Variants in PCDHB12 observed in about 807,000 individuals in gnomAD.
PCDHB12 encodes protocadherin beta 12.
For missense variants in PCDHB12, 1,192 were observed against 998.2 expected (o/e 1.19, Z -2.62); for synonymous variants, 560 against 445.2 (o/e 1.26, Z -3.24).
chr5:141,209,459 C>T lies in PCDHB12; in HGVS notation c.552C>T (p.Val184=). Residue 184 remains valine, a synonymous_variant, in exon 1 of 1, where the codon GTC becomes GTT. Transcript: ENST00000239450. ...CTCATTTCCACGTTAAAATAAGAGTCAATCCAGACAATAGGAAATACCCTG... is the reference window on the plus strand; with the variant it reads ...CTCATTTCCACGTTAAAATAAGAGTTAATCCAGACAATAGGAAATACCCTG... ...PNSHFHVKIR[V]NPDNRKYPEL... 4 of 1,614,154 alleles carry T rather than the reference C, an allele frequency of 2.5e-6. No individual in the cohort carries two copies. Among genetic ancestry groups the T allele is most frequent in the Non-Finnish European group, 2.5e-6 (3 of 1,180,026 alleles).
Position 141,209,877 on chromosome 5 carries a change from G to C in PCDHB12, c.970G>C (p.Gly324Arg). ...CTCAATAATCATTCAAGCCACAGAT[G>C]GGGGAGGACTTTTTGGAAAATCTAC... ...SYSIIIQATD[G>R]GGLFGKSTVR... Residue 324 changes from glycine to arginine, a missense_variant, in exon 1 of 1, where the codon GGG (glycine) becomes CGG (arginine). Gly to Arg is a moderately radical substitution (Grantham distance 125). Coordinates refer to ENST00000239450, the MANE Select transcript of PCDHB12 (RefSeq NM_018932.4). The C allele has an allele frequency of 1.2e-6, 2 of 1,614,192 alleles. No homozygotes were observed. Among genetic ancestry groups the C allele is most frequent in the East Asian group, 2.2e-5 (1 of 44,890 alleles).
rs1194708272 is a variant in PCDHB12, at chr5:141,209,874, GA to G, written c.968del (p.Asp323ValfsTer15). ...ESYSIIIQATDGGGLFGKSTV... is the reference protein window; with the variant it reads ...ESYSIIIQATXGGGLFGKSTV... ...ATACTCAATAATCATTCAAGCCACA[GA>G]TGGGGGAGGACTTTTTGGAAAATCT... is the stretch of plus-strand genomic sequence containing the variant. On this transcript the variant is annotated frameshift_variant, in exon 1 of 1. Coordinates refer to ENST00000239450, the MANE Select transcript of PCDHB12 (RefSeq NM_018932.4). LOFTEE classifies it low-confidence loss of function (END_TRUNC). The G allele has an allele frequency of 3.1e-6, 5 of 1,614,228 alleles. No homozygotes were observed. Among genetic ancestry groups the G allele is most frequent in the Non-Finnish European group, 4.2e-6 (5 of 1,180,042 alleles).
In PCDHB12 at chr5:141,209,971, C is replaced by A. The variant is rs782318301; in HGVS notation, c.1064C>A (p.Pro355Gln). ...ATCACTGTGTCATCAATTACCAGTC[C>A]AATCCCAGAAAACACTCCAGAGACT... ...PEITVSSITSPIPENTPETVV... is the reference protein window; with the variant it reads ...PEITVSSITSQIPENTPETVV... The change falls in exon 1 of 1, where the codon CCA becomes CAA. Residue 355 changes from proline to glutamine, a missense_variant. Physicochemically the swap from Pro to Gln is moderately conservative, Grantham distance 76 (BLOSUM62 -1). Coordinates refer to ENST00000239450, the MANE Select transcript of PCDHB12 (RefSeq NM_018932.4). 1 of 1,614,146 alleles carries A rather than the reference C, an allele frequency of 6.2e-7. No individual in the cohort carries two copies. The highest frequency in any genetic ancestry group is 2.2e-5 in the East Asian group (1 of 44,874).
rs782457524 is a variant in PCDHB12 at position 141,209,451 on chromosome 5, A to G, written c.544A>G (p.Ile182Val). 3.7e-6 allele frequency: 6 copies of G among 1,614,122 alleles called. No homozygotes were observed. Among genetic ancestry groups the G allele is most frequent in the Middle Eastern group, 1.6e-4 (1 of 6,084 alleles). Reference protein sequence around the residue: ...INPNSHFHVKIRVNPDNRKYP... With the variant: ...INPNSHFHVKVRVNPDNRKYP... ...TCCGAACTCTCATTTCCACGTTAAA[A>G]TAAGAGTCAATCCAGACAATAGGAA... The change falls in exon 1 of 1, where the codon ATA becomes GTA. Residue 182 changes from isoleucine (I) to valine (V), a missense_variant. Transcript: ENST00000239450.
chr5:141,211,196 G>A lies in PCDHB12; in HGVS notation c.2289G>A (p.Lys763=), dbSNP rs781874445. The A allele has an allele frequency of 3.1e-6, 5 of 1,614,024 alleles. No homozygotes were observed. The highest frequency in any genetic ancestry group is 1.3e-5 in the African/African-American group (1 of 74,914). The change falls in exon 1 of 1, where the codon AAG becomes AAA. Residue 763 remains lysine (K), a synonymous_variant. Coordinates refer to ENST00000239450, the MANE Select transcript of PCDHB12 (RefSeq NM_018932.4). The part of the protein sequence containing the change: ...VCVTGGSRSN[K]FKFLKPIIPN... Reference sequence around the variant, plus strand: ...TGACTGGAGGCTCCAGGTCAAATAAGTTCAAATTTCTGAAACCAATTATCC... The same window carrying A: ...TGACTGGAGGCTCCAGGTCAAATAAATTCAAATTTCTGAAACCAATTATCC...
chr5:141,210,297 A>C lies in PCDHB12; in HGVS notation c.1390A>C (p.Asn464His), dbSNP rs1754413056. 4 of 1,613,694 alleles carry C rather than the reference A, an allele frequency of 2.5e-6. No homozygotes were observed. Among genetic ancestry groups the C allele is most frequent in the Non-Finnish European group, 2.5e-6 (3 of 1,180,034 alleles). ...TSYALFVREN[N>H]SPALHIGSIS... ...CTACGCCCTGTTCGTCCGCGAGAAC[A>C]ACAGCCCCGCCCTGCACATCGGCAG... The change falls in exon 1 of 1, where the codon AAC (asparagine) becomes CAC (histidine). Residue 464 changes from asparagine to histidine, a missense_variant. Asn to His is a moderately conservative substitution (Grantham distance 68). Coordinates refer to ENST00000239450, the MANE Select transcript of PCDHB12 (RefSeq NM_018932.4).
chr5:141,211,352 C>G lies in PCDHB12; in HGVS notation c.*57C>G. On this transcript the variant is annotated 3_prime_UTR_variant, in exon 1 of 1. Transcript: ENST00000239450. ...AATACATTTATAATTAGGAACTTAT[C>G]GTGAGGTGCCTGTAAAGTAGTATTT... 3 of 1,481,722 alleles carry G rather than the reference C, an allele frequency of 2.0e-6. No homozygotes were observed. Among genetic ancestry groups the G allele is most frequent in the South Asian group, 2.6e-5 (2 of 77,686 alleles). The allele number at this position is 1,481,722 out of a possible 1,614,324, so 91.8% of individuals were successfully genotyped here.
Position 141,211,000 on chromosome 5 carries a change from C to T in PCDHB12, c.2093C>T (p.Ser698Leu), listed in dbSNP as rs142684910. ...VYLVVALASV[S>L]SLFLFSVLLF... ...CTGGTGGTGGCGTTGGCCTCAGTGTCGTCGCTCTTCCTCTTCTCGGTGCTC... is the reference window on the plus strand; with the variant it reads ...CTGGTGGTGGCGTTGGCCTCAGTGTTGTCGCTCTTCCTCTTCTCGGTGCTC... The change falls in exon 1 of 1, where the codon TCG (serine) becomes TTG (leucine). Residue 698 changes from serine (S) to leucine (L), a missense_variant. Transcript: ENST00000239450. 10 of 1,611,470 alleles carry T rather than the reference C, an allele frequency of 6.2e-6. No individual in the cohort carries two copies. The African/African-American group carries it at 8.0e-5, about 13-fold the overall frequency.
rs1326556391 is a variant in PCDHB12 at position 141,208,850 on chromosome 5, T to G, written c.-58T>G. ...AGATCAGAGGCACGTTTCCCACAAC[T>G]GCGAAGAGGCGCTGAGGCAATTCTG... On this transcript the variant is annotated 5_prime_UTR_variant, in exon 1 of 1. Coordinates refer to ENST00000239450, the MANE Select transcript of PCDHB12 (RefSeq NM_018932.4). 1.4e-6 allele frequency: 2 copies of G among 1,457,160 alleles called. No homozygotes were observed. The highest frequency in any genetic ancestry group is 2.8e-5 in the African/African-American group (2 of 70,476). 90.3% of individuals were successfully genotyped at this position (1,457,160 alleles called of 1,614,324 possible).
In PCDHB12 at chr5:141,209,647, A is replaced by C. The variant is rs1297564549; in HGVS notation, c.740A>C (p.Tyr247Ser). 3.7e-6 allele frequency: 6 copies of C among 1,614,052 alleles called. No homozygotes were observed. Among genetic ancestry groups the C allele is most frequent in the Non-Finnish European group, 4.2e-6 (5 of 1,180,036 alleles). ...TCCCCTGAGTTTGAGCAGGCTTTTT[A>C]TGAGGTGAAGATTCTGGAGAATAGC... ...DNSPEFEQAF[Y>S]EVKILENSIL... The change falls in exon 1 of 1, where the codon TAT (tyrosine) becomes TCT (serine). Residue 247 changes from tyrosine (Y) to serine (S), a missense_variant. Coordinates refer to ENST00000239450, the MANE Select transcript of PCDHB12 (RefSeq NM_018932.4).
chr5:141,209,519 G>A lies in PCDHB12; in HGVS notation c.612G>A (p.Glu204=). 6.2e-7 allele frequency: 1 copy of A among 1,614,196 alleles called. No homozygotes were observed. The highest frequency in any genetic ancestry group is 8.5e-7 in the Non-Finnish European group (1 of 1,180,042). ...LVLDKALDYE[E]RPELSFILTA... ...TGGACAAGGCGCTGGATTATGAAGAGCGCCCGGAGCTCAGTTTCATCCTCA... is the reference window on the plus strand; with the variant it reads ...TGGACAAGGCGCTGGATTATGAAGAACGCCCGGAGCTCAGTTTCATCCTCA... Residue 204 remains glutamate, a synonymous_variant, in exon 1 of 1, where the codon GAG becomes GAA. Coordinates refer to ENST00000239450, the MANE Select transcript of PCDHB12 (RefSeq NM_018932.4).
At position 141,211,081 on chromosome 5, in the gene PCDHB12, G is replaced by A. The variant is rs373394882; in HGVS notation, c.2174G>A (p.Cys725Tyr). 7.4e-6 allele frequency: 12 copies of A among 1,613,646 alleles called. No individual in the cohort carries two copies. The highest frequency in any genetic ancestry group is 2.7e-5 in the African/African-American group (2 of 74,926). The change falls in exon 1 of 1, where the codon TGC (cysteine) becomes TAC (tyrosine). Residue 725 changes from cysteine (C) to tyrosine (Y), a missense_variant. Coordinates refer to ENST00000239450, the MANE Select transcript of PCDHB12 (RefSeq NM_018932.4). ...RRSRAAPVGR[C>Y]SVPEGPFPGH... ...AGCAGGGCGGCCCCGGTCGGTCGCT[G>A]CTCGGTGCCTGAGGGCCCCTTTCCA...
At position 141,212,522 on chromosome 5, in the gene PCDHB12, ATATAT is replaced by A. The variant is rs1430079095; in HGVS notation, c.*1232_*1236del. 4.6e-5 allele frequency: 7 copies of A among 152,272 alleles called. No homozygotes were observed. In the East Asian group the frequency reaches 1.2e-3, roughly 25 times the overall value. 9.4% of individuals were successfully genotyped at this position (152,272 alleles called of 1,614,324 possible). ...TAATTTTTGCATAGTTGTGTTCTAA[ATATAT>A]TATAAACTAGTGCCAGTAACTCTAA... On this transcript the variant is annotated 3_prime_UTR_variant, in exon 1 of 1. Coordinates refer to ENST00000239450, the MANE Select transcript of PCDHB12 (RefSeq NM_018932.4).
chr5:141,209,375 T>G lies in PCDHB12; in HGVS notation c.468T>G (p.Ser156Arg). The part of the protein sequence containing the change: ...SPVGAVFLLE[S>R]AKDLDVGINA... ...TTGGTGCTGTGTTCTTGCTTGAAAG[T>G]GCAAAGGATTTAGATGTAGGAATCA... The change falls in exon 1 of 1, where the codon AGT becomes AGG. Residue 156 changes from serine to arginine, a missense_variant. By Grantham distance (110) the Ser-to-Arg change is moderately radical (BLOSUM62 -1). Coordinates refer to ENST00000239450, the MANE Select transcript of PCDHB12 (RefSeq NM_018932.4). The G allele has an allele frequency of 6.2e-7, 1 of 1,614,204 alleles. No homozygotes were observed. Among genetic ancestry groups the G allele is most frequent in the Non-Finnish European group, 8.5e-7 (1 of 1,180,042 alleles).
At position 141,209,661 on chromosome 5, in the gene PCDHB12, C is replaced by T; in HGVS notation, c.754C>T (p.Leu252=). 6.2e-7 allele frequency: 1 copy of T among 1,614,144 alleles called. No homozygotes were observed. ...FEQAFYEVKI[L]ENSILGSLVV... ...GCAGGCTTTTTATGAGGTGAAGATTCTGGAGAATAGCATCCTTGGCTCCCT... is the reference window on the plus strand; with the variant it reads ...GCAGGCTTTTTATGAGGTGAAGATTTTGGAGAATAGCATCCTTGGCTCCCT... Residue 252 remains leucine, a synonymous_variant, in exon 1 of 1, where the codon CTG becomes TTG. Transcript: ENST00000239450.
Position 141,212,213 on chromosome 5 carries a change from T to C in PCDHB12, c.*918T>C, listed in dbSNP as rs1179983952. ...CCTGATTAGGAATAGTACATAATTT[T>C]GATGGCATTATTAGTTAATTATTTT... On this transcript the variant is annotated 3_prime_UTR_variant, in exon 1 of 1. Transcript: ENST00000239450. The C allele has an allele frequency of 6.0e-6, 1 of 166,620 alleles. No homozygotes were observed. Among genetic ancestry groups the C allele is most frequent in the Non-Finnish European group, 1.5e-5 (1 of 68,100 alleles). 10.3% of individuals were successfully genotyped at this position (166,620 alleles called of 1,614,324 possible). A position where few individuals can be genotyped will look rare whatever the true frequency, so the allele number is the denominator to read the frequency against.
Position 141,208,773 on chromosome 5 carries a change from A to G in PCDHB12, c.-135A>G, listed in dbSNP as rs1754355883. 2 of 704,644 alleles carry G rather than the reference A, an allele frequency of 2.8e-6. No individual in the cohort carries two copies. The highest frequency in any genetic ancestry group is 6.7e-5 in the Admixed American group (2 of 30,042). The allele number at this position is 704,644 out of a possible 1,614,324, so 43.6% of individuals were successfully genotyped here. A position where few individuals can be genotyped will look rare whatever the true frequency, so the allele number is the denominator to read the frequency against. On this transcript the variant is annotated 5_prime_UTR_variant, in exon 1 of 1. Transcript: ENST00000239450. ...AGAACAATCCTTTAAGGGAGAACCT[A>G]GAAGCCATTCAACAAGGTTAAAATC...
At position 141,211,121 on chromosome 5, in the gene PCDHB12, C is replaced by T. The variant is rs782514033; in HGVS notation, c.2214C>T (p.Asp738=). 1 of 1,614,124 alleles carries T rather than the reference C, an allele frequency of 6.2e-7. No homozygotes were observed. The highest frequency in any genetic ancestry group is 1.1e-5 in the South Asian group (1 of 91,070). ...PEGPFPGHLV[D]VSGTGTLSQS... ...GCCCCTTTCCAGGACATCTGGTGGACGTGAGTGGCACCGGGACCCTGTCCC... is the reference window on the plus strand; with the variant it reads ...GCCCCTTTCCAGGACATCTGGTGGATGTGAGTGGCACCGGGACCCTGTCCC... Residue 738 remains aspartate, a synonymous_variant, in exon 1 of 1, where the codon GAC becomes GAT. Transcript: ENST00000239450.
Position 141,210,393 on chromosome 5 carries a change from C to T in PCDHB12, c.1486C>T (p.Pro496Ser). Residue 496 changes from proline (P) to serine (S), a missense_variant, in exon 1 of 1, where the codon CCG becomes TCG. Coordinates refer to ENST00000239450, the MANE Select transcript of PCDHB12 (RefSeq NM_018932.4). The part of the protein sequence containing the change: ...VNYSLLPSQD[P>S]HLPLASLVSI... ...CTACTCGCTGCTGCCGTCCCAGGAC[C>T]CGCACCTGCCCCTCGCCTCCCTGGT... 2 of 1,613,052 alleles carry T rather than the reference C, an allele frequency of 1.2e-6. No individual in the cohort carries two copies. The highest frequency in any genetic ancestry group is 1.7e-6 in the Non-Finnish European group (2 of 1,180,030).
Sources: allele counts gnomAD v4.1 joint callset, GRCh38; gene constraint gnomAD v4.1.1; transcripts MANE v1.5; gene names NCBI Gene and HGNC (gene_info 2026-07-23, HGNC 2026-07-21).